Variants in TNFRSF4 observed in about 807,000 individuals in gnomAD.
TNFRSF4 encodes the protein TNF receptor superfamily member 4.
TNFRSF4 carries 21 observed loss-of-function variants against 29.5 expected under a neutral mutation model. The ratio of observed to expected loss-of-function variants is 0.71; its 90% CI spans 0.51 to 1.03. The LOEUF (loss-of-function observed/expected upper bound fraction) is 1.03. Among genes scored for constraint, TNFRSF4 ranks in the 50% least tolerant of loss-of-function variants. The probability of loss-of-function intolerance (pLI) is 0.00; values close to 1 mark genes in which losing one functional copy is unlikely to be tolerated. For missense variants in TNFRSF4, 408 were observed against 387.8 expected (o/e 1.05, Z -0.44); for synonymous variants, 197 against 172.7 (o/e 1.14, Z -1.10).
intron 3 of TNFRSF4, 43 bp from the exon 4 acceptor site, chr1:1,212,747 G>A (rs753866343): frequency 2.9e-5 from 43 of 1,467,492 alleles, no homozygotes; most frequent in East Asian, 4.9e-5. Flanking sequence ...CACAGGCCCC[G>A]GGTGCTGGGG....
intron 3 of TNFRSF4, 56 bp downstream of exon 3, chr1:1,212,936 G>A (rs1649239162): frequency 1.6e-5 from 24 of 1,521,038 alleles, no homozygotes; most frequent in East Asian, 7.1e-5. Context: ...GCCCATCTGC[G>A]TCACAGACAG....
rs746877501 is a variant in TNFRSF4 at position 1,212,055 on chromosome 1, G to A, written c.521C>T (p.Thr174Met). The change falls in exon 5 of 7, where the codon ACG (threonine) becomes ATG (methionine). Residue 174 changes from threonine to methionine, a missense_variant. Coordinates refer to ENST00000379236, the MANE Select transcript of TNFRSF4 (RefSeq NM_003327.4). ...GGGGCCCTGGGTCTCCTGGGGCTGC[G>A]TGGCTGGGGGGTCCCTGTCCTCACA... ...AICEDRDPPA[T>M]QPQETQGPPA... 2.0e-5 allele frequency: 33 copies of A among 1,612,012 alleles called. No individual in the cohort carries two copies. Among genetic ancestry groups the A allele is most frequent in the East Asian group, 6.7e-5 (3 of 44,868 alleles).
At position 1,213,673 on chromosome 1, in the gene TNFRSF4, C is replaced by G; in HGVS notation, c.258G>C (p.Trp86Cys). The G allele has an allele frequency of 6.3e-7, 1 of 1,592,286 alleles. No homozygotes were observed. Among genetic ancestry groups the G allele is most frequent in the Non-Finnish European group, 8.5e-7 (1 of 1,170,316 alleles). ...VSSKPCKPCTWCNLRSGSERK... is the reference protein window; with the variant it reads ...VSSKPCKPCTCCNLRSGSERK... ...CAGGTGGGAGCTCACTGAGGTTACA[C>G]CACGTGCAGGGCTTGCACGGCTTGG... is the stretch of plus-strand genomic sequence containing the variant. Residue 86 changes from tryptophan to cysteine, a missense_variant, in exon 2 of 7, where the codon TGG (tryptophan) becomes TGC (cysteine). By Grantham distance (215) the Trp-to-Cys change is radical. Transcript: ENST00000379236.
Position 1,213,883 on chromosome 1 carries a change from C to G in TNFRSF4, c.146-98G>C, listed in dbSNP as rs1221720164. The G allele has an allele frequency of 2.9e-6, 4 of 1,391,766 alleles. No individual in the cohort carries two copies. In the African/African-American group the frequency reaches 4.3e-5, roughly 15 times the overall value. 86.2% of individuals were successfully genotyped at this position (1,391,766 alleles called of 1,614,324 possible). ...TCTGCCAGGCTTGGCCGGCCCCTCACCCGCCCCCTCCCCAGGACCAGCCTC... is the reference window on the plus strand; with the variant it reads ...TCTGCCAGGCTTGGCCGGCCCCTCAGCCGCCCCCTCCCCAGGACCAGCCTC... On this transcript the variant is annotated intron_variant, in intron 1 of 6. Coordinates refer to ENST00000379236, the MANE Select transcript of TNFRSF4 (RefSeq NM_003327.4).
Position 1,213,771 on chromosome 1 carries a change from T to C in TNFRSF4, c.160A>G (p.Ser54Gly). Residue 54 changes from serine (S) to glycine (G), a missense_variant, in exon 2 of 7, where the codon AGC (serine) becomes GGC (glycine). Ser to Gly is a moderately conservative substitution (Grantham distance 56). Transcript: ENST00000379236. Reference protein sequence around the residue: ...HECRPGNGMVSRCSRSQNTVC... With the variant: ...HECRPGNGMVGRCSRSQNTVC... ...GTGTTCTGGGAGCGGCTGCAGCGGC[T>C]CACCATCCCGTTGCCTGCAGCAGAG... The C allele has an allele frequency of 6.2e-7, 1 of 1,600,348 alleles. No homozygotes were observed. Among genetic ancestry groups the C allele is most frequent in the East Asian group, 2.3e-5 (1 of 44,264 alleles).
Position 1,211,958 on chromosome 1 carries a change from G to T in TNFRSF4, c.618C>A (p.Pro206=). ...PRTSQGPSTR[P]VEVPGGRAVA... ...CGCCCTTACCCCCGGGGACCTCCAC[G>T]GGCCGGGTGGAGGGTCCCTGTGAGG... The change falls in exon 5 of 7, where the codon CCC becomes CCA. Residue 206 remains proline (P), a synonymous_variant. Coordinates refer to ENST00000379236, the MANE Select transcript of TNFRSF4 (RefSeq NM_003327.4). 1 of 1,579,588 alleles carries T rather than the reference G, an allele frequency of 6.3e-7. No homozygotes were observed.
At chr1:1,213,506 T>G (rs1168239653) in intron 2 of TNFRSF4, 157 bp downstream of exon 2, 1 of 1,466,272 alleles carries the variant, frequency 6.8e-7, no homozygotes. Flanking sequence ...GGGAGACGCC[T>G]CAGCTCCTCG....
intron 2 of TNFRSF4, 85 bp from the exon 3 acceptor site, chr1:1,213,178 G>A: frequency 6.5e-7 from 1 of 1,539,576 alleles, no homozygotes; most frequent in Non-Finnish European, 8.7e-7. Context: ...GGACAGGTTG[G>A]CCTCCCCACC....
In TNFRSF4 at chr1:1,212,668, C is replaced by A; in HGVS notation, c.407G>T (p.Gly136Val). Reference sequence around the variant, plus strand: ...CCAGGGCTTGCAGGCCTGGTTGTCGCCTGGGGAGAAGTGCCCTGGAGGGCA... The same window carrying A: ...CCAGGGCTTGCAGGCCTGGTTGTCGACTGGGGAGAAGTGCCCTGGAGGGCA... ...APCPPGHFSP[G>V]DNQACKPWTN... Residue 136 changes from glycine (G) to valine (V), a missense_variant, in exon 4 of 7, where the codon GGC becomes GTC. Transcript: ENST00000379236. The A allele has an allele frequency of 6.4e-7, 1 of 1,572,390 alleles. No homozygotes were observed. Among genetic ancestry groups the A allele is most frequent in the Non-Finnish European group, 8.6e-7 (1 of 1,160,030 alleles).
chr1:1,212,883 T>TGCCAGAGGAGGC, intron 3 of TNFRSF4, 109 bp downstream of exon 3: 1 of 1,328,406 alleles, frequency 7.5e-7, no homozygotes, highest in Non-Finnish European at 1.0e-6. Context: ...GTCTTGAGGA[T>TGCCAGAGGAGGC]GCCAGAGGAG....
intron 2 of TNFRSF4, 134 bp from the exon 3 acceptor site, chr1:1,213,227 G>A (rs1262495770): frequency 6.5e-7 from 1 of 1,534,844 alleles, no homozygotes; most frequent in Admixed American, 2.0e-5. Context: ...GGCCTCCCCT[G>A]AGACTTGGAG....
rs751046781 is a variant in TNFRSF4, at chr1:1,214,121, C to G, written c.7G>C (p.Val3Leu). MC[V>L]GARRLGRGPC... ...CCGCGGCCCAGCCGCCGAGCCCCCA[C>G]GCACATCCTCGTCTCTGCTGTCGCC... The change falls in exon 1 of 7, where the codon GTG (valine) becomes CTG (leucine). Residue 3 changes from valine to leucine, a missense_variant. Val to Leu is a conservative substitution (Grantham distance 32). Coordinates refer to ENST00000379236, the MANE Select transcript of TNFRSF4 (RefSeq NM_003327.4). The surrounding 1 kb of genome is among the most constrained non-coding windows in gnomAD (Gnocchi z 4.2). 59 of 1,579,446 alleles carry G rather than the reference C, an allele frequency of 3.7e-5. No homozygotes were observed. The East Asian group carries it at 1.3e-3, about 34-fold the overall frequency.
chr1:1,213,838 G>A, intron 1 of TNFRSF4, 53 bp from the exon 2 acceptor site: 1 of 1,536,978 alleles, frequency 6.5e-7, no homozygotes, highest in Non-Finnish European at 8.7e-7. Context: ...TTGCGCCCGT[G>A]GACCCCCCCA....
intron 4 of TNFRSF4, 69 bp downstream of exon 4, chr1:1,212,569 A>G (rs1270299393): frequency 2.6e-5 from 6 of 232,716 alleles, no homozygotes; most frequent in Non-Finnish European, 3.9e-5. Flanking sequence ...CCAGCTCCCC[A>G]GCTCCTCCGC....
intron 2 of TNFRSF4, 141 bp downstream of exon 2, chr1:1,213,522 C>G (rs943007938): frequency 2.0e-5 from 30 of 1,465,902 alleles, no homozygotes; most frequent in Non-Finnish European, 2.7e-5. Context: ...CCTCGAAGGA[C>G]CCCTGTGGCG....
Position 1,213,113 on chromosome 1 carries a change from G to C in TNFRSF4, c.269-20C>G, listed in dbSNP as rs537939136. The C allele has an allele frequency of 6.2e-7, 1 of 1,600,042 alleles. No individual in the cohort carries two copies. On this transcript the variant is annotated intron_variant, in intron 2 of 6. Coordinates refer to ENST00000379236, the MANE Select transcript of TNFRSF4 (RefSeq NM_003327.4). ...CACTTCCTGAGCAGGGGCCGGATGGGGGGGTGGTCAGGTGGGGGCTGTGGA... is the reference window on the plus strand; with the variant it reads ...CACTTCCTGAGCAGGGGCCGGATGGCGGGGTGGTCAGGTGGGGGCTGTGGA...
chr1:1,211,382 G>A lies in TNFRSF4; in HGVS notation c.*173C>T. On this transcript the variant is annotated 3_prime_UTR_variant, in exon 7 of 7. Transcript: ENST00000379236. ...TTTATTGTGGTCCCGCGGGGCAGGA[G>A]GTATGCATGGCATACGTAAGCAGAG... The A allele has an allele frequency of 1.8e-6, 1 of 547,394 alleles. No individual in the cohort carries two copies. The highest frequency in any genetic ancestry group is 3.8e-5 in the Admixed American group (1 of 26,160). The allele number at this position is 547,394 out of a possible 1,614,324, so 33.9% of individuals were successfully genotyped here. A position where few individuals can be genotyped will look rare whatever the true frequency, so the allele number is the denominator to read the frequency against.
chr1:1,212,772 C>A, intron 3 of TNFRSF4, 68 bp from the exon 4 acceptor site: 1 of 1,386,018 alleles, frequency 7.2e-7, no homozygotes, highest in Non-Finnish European at 9.7e-7. Flanking sequence ...GGGGCAGAGC[C>A]TGTGGGGCAG....
At chr1:1,213,188 C>A in intron 2 of TNFRSF4, 95 bp from the exon 3 acceptor site, 1 of 1,537,688 alleles carries the variant, frequency 6.5e-7, no homozygotes, top group Non-Finnish European at 8.7e-7. Flanking sequence ...GCCTCCCCAC[C>A]ACACAGAGGG....
Sources: gnomAD v4.1 joint callset for allele counts on GRCh38, gnomAD v4.1.1 for gene constraint, Gnocchi (gnomAD v3.1) non-coding constraint, MANE v1.5 for transcripts, NCBI Gene and HGNC (gene_info 2026-07-23, HGNC 2026-07-21) for gene names.